The following TMEM132D variants were observed in gnomAD, a reference collection of about 807,000 sequenced individuals.
TMEM132D encodes mature OL transmembrane protein.
A neutral mutation model predicts 62.3 loss-of-function variants in TMEM132D; 21 were observed. The observed-to-expected ratio is 0.34, with a 90% CI of 0.24 to 0.49. TMEM132D has a LOEUF of 0.49. TMEM132D is among the 20% of genes least tolerant of loss of function. The pLI is 0.99. For synonymous variants in TMEM132D, 621 were observed against 575.6 expected, an observed-to-expected ratio of 1.08 and a Z score of -1.13; for missense variants, 1,346 against 1,402.8, an observed-to-expected ratio of 0.96 and a Z score of 0.65.
At chr12:129,571,469 G>T (rs1877511395) in intron 2 of TMEM132D, among the ~76,000 whole-genome samples, 1 of 152,132 alleles carries the variant, frequency 6.6e-6, no homozygotes, top group African/African-American at 2.4e-5. Flanking sequence ...CTACTCCGGA[G>T]GCTGAGGTGG....
chr12:129,503,329 T>A (rs1371577949), intron 3 of TMEM132D, among the ~76,000 whole-genome samples: 1 of 152,004 alleles, frequency 6.6e-6, no homozygotes, highest in Non-Finnish European at 1.5e-5. Flanking sequence ...AAGAAGCAAA[T>A]GGATTATGGA....
At chr12:129,281,372 TTTTG>T (rs945319541) in intron 4 of TMEM132D, among the ~76,000 whole-genome samples, 41 of 152,098 alleles carry the variant, frequency 2.7e-4, no homozygotes, top group African/African-American at 4.6e-4. Flanking sequence ...TTTCAGGTTT[TTTTG>T]TTTGTTTGTT....
intron 5 of TMEM132D, among the ~76,000 whole-genome samples, chr12:129,186,487 A>C (rs1878226119): frequency 1.3e-5 from 2 of 152,110 alleles, no homozygotes; most frequent in Non-Finnish European, 2.9e-5. Context: ...CCTCTATACC[A>C]TTCTCCAGTT....
chr12:129,555,901 GTCTC>G (rs1301353219), intron 2 of TMEM132D, among the ~76,000 whole-genome samples: 1 of 152,112 alleles, frequency 6.6e-6, no homozygotes, highest in East Asian at 1.9e-4. Flanking sequence ...CATTGTCTGT[GTCTC>G]TCTCTGTAGA....
intron 2 of TMEM132D, among the ~76,000 whole-genome samples, chr12:129,694,906 G>A (rs1222507132): frequency 6.6e-6 from 1 of 152,190 alleles, no homozygotes; most frequent in East Asian, 1.9e-4. Flanking sequence ...TACTTTGGAG[G>A]CTGGGGCAGG....
chr12:129,246,088 A>T (rs896398717), intron 4 of TMEM132D, among the ~76,000 whole-genome samples: 3 of 151,618 alleles, frequency 2.0e-5, no homozygotes, highest in African/African-American at 7.3e-5. Context: ...TCCTATAAGC[A>T]TTTGAAGTTT....
intron 2 of TMEM132D, among the ~76,000 whole-genome samples, chr12:129,558,343 G>A (rs1877119435): frequency 6.6e-6 from 1 of 152,166 alleles, no homozygotes; most frequent in African/African-American, 2.4e-5. Flanking sequence ...GGTCAGGGAA[G>A]GGTCCCATTC....
At chr12:129,747,073 C>G (rs1759456993) in intron 1 of TMEM132D, among the ~76,000 whole-genome samples, 1 of 149,520 alleles carries the variant, frequency 6.7e-6, no homozygotes, top group Non-Finnish European at 1.5e-5. Flanking sequence ...TCAATCAGTT[C>G]GTGGAGCCCA....
intron 5 of TMEM132D, among the ~76,000 whole-genome samples, chr12:129,130,308 A>C (rs1041106926): frequency 5.8e-5 from 8 of 136,954 alleles, no homozygotes; most frequent in Non-Finnish European, 1.1e-4. Flanking sequence ...CAGCCTCCTC[A>C]TCCCAGCTCA....
intron 1 of TMEM132D, among the ~76,000 whole-genome samples, chr12:129,877,628 C>CACACACACACAGAGAGAG (rs869172595): frequency 6.8e-6 from 1 of 146,854 alleles, no homozygotes; most frequent in African/African-American, 2.6e-5. Flanking sequence ...CACACACACA[C>CACACACACACAGAGAGAG]AGAGAGAGAG....
intron 2 of TMEM132D, among the ~76,000 whole-genome samples, chr12:129,550,473 C>A (rs958782683): frequency 6.6e-6 from 1 of 152,176 alleles, no homozygotes; most frequent in African/African-American, 2.4e-5. Context: ...GCAGCCCACT[C>A]CTGGGCCGCT....
At chr12:129,844,551 G>A (rs531502006) in intron 1 of TMEM132D, among the ~76,000 whole-genome samples, 18 of 152,266 alleles carry the variant, frequency 1.2e-4, no homozygotes, top group Admixed American at 2.6e-4. Context: ...AAAGCTCATC[G>A]GGTTTAAAAG....
intron 5 of TMEM132D, among the ~76,000 whole-genome samples, chr12:129,135,734 G>A (rs567938701): frequency 2.6e-5 from 4 of 152,244 alleles, no homozygotes; most frequent in Admixed American, 2.0e-4. Flanking sequence ...CTGAGAAAGT[G>A]AGGGAGAATC....
intron 3 of TMEM132D, among the ~76,000 whole-genome samples, chr12:129,463,762 A>G (rs1353429486): frequency 1.3e-5 from 2 of 152,042 alleles, no homozygotes; most frequent in Non-Finnish European, 2.9e-5. Context: ...GCTGAGAATG[A>G]TGGTTTCCAG....
chr12:129,326,891 G>A (rs1306006996), intron 4 of TMEM132D, among the ~76,000 whole-genome samples: 1 of 151,948 alleles, frequency 6.6e-6, no homozygotes, highest in East Asian at 1.9e-4. Flanking sequence ...TAAAATAATA[G>A]GTACTCAAAT....
chr12:129,798,236 G>T (rs143267684), intron 1 of TMEM132D, among the ~76,000 whole-genome samples: 1 of 152,042 alleles, frequency 6.6e-6, no homozygotes, highest in African/African-American at 2.4e-5. Context: ...ATAAATTATC[G>T]TCTAGGTACT....
At chr12:129,902,899 C>A (rs1329308015) in intron 1 of TMEM132D, among the ~76,000 whole-genome samples, 2 of 152,236 alleles carry the variant, frequency 1.3e-5, no homozygotes, top group South Asian at 2.1e-4. Flanking sequence ...ATCCCCTCCT[C>A]CCCCGACAGC....
At chr12:129,147,058 A>G (rs1876920288) in intron 5 of TMEM132D, among the ~76,000 whole-genome samples, 1 of 152,142 alleles carries the variant, frequency 6.6e-6, no homozygotes, top group African/African-American at 2.4e-5. Context: ...AGTAGCAAGA[A>G]TAATGCAAAG....
At chr12:129,460,751 G>C (rs1873638580) in intron 3 of TMEM132D, among the ~76,000 whole-genome samples, 1 of 152,172 alleles carries the variant, frequency 6.6e-6, no homozygotes, top group Admixed American at 6.5e-5. Flanking sequence ...TGTTTCTTAT[G>C]TGTTTCTATG....
Sources: allele counts gnomAD v4.1 joint callset (sites outside exome capture counted in the v4.1 genomes callset), GRCh38; gene constraint gnomAD v4.1.1; transcripts MANE v1.5; gene names NCBI Gene and HGNC (gene_info 2026-07-23, HGNC 2026-07-21).